PDE4B: variants seen among roughly 807,000 people sequenced by gnomAD.
PDE4B encodes phosphodiesterase 4B, also known as 3',5'-cyclic-AMP phosphodiesterase 4B.
A neutral mutation model predicts 82.2 loss-of-function variants in PDE4B; 20 were observed. That is an observed-to-expected ratio of 0.24 (90% CI 0.17 to 0.35). PDE4B has a LOEUF of 0.35. PDE4B is among the 10% of genes least tolerant of loss of function. PDE4B has a pLI of 1.00. For synonymous variants in PDE4B, 320 were observed against 318.9 expected, an observed-to-expected ratio of 1.00 and a Z score of -0.04; for missense variants, 655 against 907.2, an observed-to-expected ratio of 0.72 and a Z score of 3.57.
At chr1:65,955,883 A>G (rs1030125999) in intron 3 of PDE4B, among the ~76,000 whole-genome samples, 3 of 152,164 alleles carry the variant, frequency 2.0e-5, no homozygotes, top group Non-Finnish European at 2.9e-5. Context: ...CGCCTGGAAT[A>G]TATTAGGAGC....
intron 3 of PDE4B, among the ~76,000 whole-genome samples, chr1:66,232,255 A>T (rs2101634639): frequency 6.6e-6 from 1 of 152,350 alleles, no homozygotes; most frequent in Middle Eastern, 3.4e-3. Flanking sequence ...GAGGGCAGTG[A>T]TATGCAAAAG....
At chr1:66,000,842 C>T (rs947335563) in intron 3 of PDE4B, among the ~76,000 whole-genome samples, 8 of 152,146 alleles carry the variant, frequency 5.3e-5, no homozygotes, top group African/African-American at 1.7e-4. Context: ...TCAAAGAGTG[C>T]TTCTTTCAAA....
At chr1:65,815,758 A>C (rs115935211) in intron 1 of PDE4B, among the ~76,000 whole-genome samples, 1,684 of 152,338 alleles carry the variant, frequency 0.011, 33 homozygotes, top group African/African-American at 0.039. Context: ...AATAAAATGC[A>C]CTTATCAGTC....
intron 3 of PDE4B, among the ~76,000 whole-genome samples, chr1:66,057,341 G>A (rs1046839642): frequency 1.3e-5 from 2 of 152,152 alleles, no homozygotes; most frequent in African/African-American, 4.8e-5. Flanking sequence ...CTAAAAAGGA[G>A]GAAATACTAA....
At chr1:66,031,012 A>T (rs572408408) in intron 3 of PDE4B, among the ~76,000 whole-genome samples, 1 of 152,200 alleles carries the variant, frequency 6.6e-6, no homozygotes, top group African/African-American at 2.4e-5. Flanking sequence ...GTTGGATATT[A>T]TGCTTTCTGC....
At chr1:66,165,947 G>A (rs1368230620) in intron 3 of PDE4B, among the ~76,000 whole-genome samples, 1 of 145,350 alleles carries the variant, frequency 6.9e-6, no homozygotes, top group African/African-American at 2.5e-5. Flanking sequence ...ATCAAACCTT[G>A]AGGGGAAAAA....
intron 3 of PDE4B, among the ~76,000 whole-genome samples, chr1:66,221,648 T>C (rs958435125): frequency 2.6e-4 from 40 of 152,242 alleles, no homozygotes; most frequent in African/African-American, 9.4e-4. Flanking sequence ...AGTGTCCTCA[T>C]TATATATTTT....
intron 3 of PDE4B, among the ~76,000 whole-genome samples, chr1:66,159,844 G>T (rs1022706636): frequency 3.9e-5 from 6 of 152,100 alleles, no homozygotes; most frequent in African/African-American, 1.4e-4. Context: ...GCCATTTATT[G>T]TGCACCTACT....
chr1:65,837,963 C>T (rs116429995), intron 1 of PDE4B, among the ~76,000 whole-genome samples: 2,559 of 152,256 alleles, frequency 0.017, 36 homozygotes, highest in African/African-American at 0.037. Context: ...TCATTTAGCT[C>T]ACACATGTGA....
At chr1:66,007,953 C>G (rs1396927992) in intron 3 of PDE4B, among the ~76,000 whole-genome samples, 1 of 152,046 alleles carries the variant, frequency 6.6e-6, no homozygotes, top group African/African-American at 2.4e-5. Context: ...TATATGCTGA[C>G]AAGGTCCATA....
At chr1:66,316,108 A>G (rs1202636688) in intron 7 of PDE4B, among the ~76,000 whole-genome samples, 3 of 152,232 alleles carry the variant, frequency 2.0e-5, no homozygotes, top group African/African-American at 4.8e-5. Flanking sequence ...CATTCATTCA[A>G]TAAGTTCAAT....
intron 1 of PDE4B, among the ~76,000 whole-genome samples, chr1:65,878,409 C>T (rs1261636805): frequency 6.6e-6 from 1 of 152,166 alleles, no homozygotes; most frequent in South Asian, 2.1e-4. Flanking sequence ...ATATATCATT[C>T]TACTATAAAG....
chr1:65,898,071 A>G (rs902734007), intron 1 of PDE4B, among the ~76,000 whole-genome samples: 1 of 152,082 alleles, frequency 6.6e-6, no homozygotes, highest in Admixed American at 6.6e-5. Flanking sequence ...TTTGATTTGC[A>G]CATCTCTGAT....
In PDE4B at chr1:66,009,774, C is replaced by T. The variant is rs1652365843; in HGVS notation, c.281+90939C>T. 3.3e-5 allele frequency among the ~76,000 whole-genome samples: 5 copies of T among 152,104 alleles called. No individual in the cohort carries two copies. In the South Asian group the frequency reaches 1.0e-3, roughly 31 times the overall value. On this transcript the variant is annotated intron_variant, in intron 3 of 16. Transcript: ENST00000341517. ...CTTTTTGGCCATCTATAAAAAATAG[C>T]AGTGCACATCTTTGCCTTTCTACCA...
At chr1:66,307,395 A>G (rs1658357106) in intron 7 of PDE4B, among the ~76,000 whole-genome samples, 1 of 152,146 alleles carries the variant, frequency 6.6e-6, no homozygotes, top group Non-Finnish European at 1.5e-5. Flanking sequence ...TAGAGGAGAC[A>G]GAGGAGCAGG....
chr1:65,795,762 C>T (rs1027637995), intron 1 of PDE4B, among the ~76,000 whole-genome samples: 19 of 152,262 alleles, frequency 1.2e-4, no homozygotes, highest in Non-Finnish European at 1.5e-5. Context: ...CTACTTCTCT[C>T]TTTGGTCCTT....
chr1:66,270,206 AAGAAAAGACTGTGTTC>A (rs1327188112), intron 7 of PDE4B, among the ~76,000 whole-genome samples: 11 of 152,216 alleles, frequency 7.2e-5, no homozygotes, highest in African/African-American at 2.7e-4. Flanking sequence ...AATGCATTTC[AAGAAAAGACTGTGTTC>A]AGAGAAATCG....
At chr1:66,018,139 C>T (rs554925619) in intron 3 of PDE4B, among the ~76,000 whole-genome samples, 3 of 152,064 alleles carry the variant, frequency 2.0e-5, no homozygotes, top group East Asian at 3.9e-4. Flanking sequence ...GGTTTTAGGC[C>T]GGGCACGGTG....
At chr1:66,331,778 C>T (rs1660127964) in intron 7 of PDE4B, 1 of 985,290 alleles carries the variant, frequency 1.0e-6, no homozygotes, top group Non-Finnish European at 1.2e-6. Context: ...GCAGGACTCC[C>T]AGGCCAATAA....
Sources: gnomAD v4.1 joint callset for allele counts (sites outside exome capture counted in the v4.1 genomes callset) on GRCh38, gnomAD v4.1.1 for gene constraint, MANE v1.5 for transcripts, NCBI Gene and HGNC (gene_info 2026-07-23, HGNC 2026-07-21) for gene names.